Variants in SPTBN5 observed in about 807,000 individuals in gnomAD.
SPTBN5 encodes the protein spectrin beta, non-erythrocytic 5.
A neutral mutation model predicts 477.6 loss-of-function variants in SPTBN5; 513 were observed. The observed-to-expected ratio is 1.07, with a 90% CI of 1.00 to 1.16. SPTBN5 has a LOEUF of 1.16. Among genes scored for constraint, SPTBN5 ranks in the 50% most tolerant of loss-of-function variants. The pLI, the probability that SPTBN5 is intolerant of heterozygous loss-of-function variation, is 0.00. For synonymous variants in SPTBN5, 2,169 were observed against 2,011.7 expected (o/e 1.08, Z -2.09); for missense variants, 5,062 against 4,731.8 (o/e 1.07, Z -2.05).
In SPTBN5 at chr15:41,868,472, G is replaced by C; in HGVS notation, c.5983C>G (p.Arg1995Gly). 6.2e-7 allele frequency: 1 copy of C among 1,611,152 alleles called. No homozygotes were observed. Among genetic ancestry groups the C allele is most frequent in the Non-Finnish European group, 8.5e-7 (1 of 1,179,066 alleles). The change falls in exon 33 of 68, where the codon CGG becomes GGG. Residue 1995 changes from arginine (R) to glycine (G), a missense_variant. Transcript: ENST00000320955. The part of the protein sequence containing the change: ...HQWLRAELEA[R>G]EKLWQQATQL... ...GTGGCCTGCTGCCACAGCTTCTCCCGGGCCTCCAGCTCCGCCCGGAGCCAC... is the reference window on the plus strand; with the variant it reads ...GTGGCCTGCTGCCACAGCTTCTCCCCGGCCTCCAGCTCCGCCCGGAGCCAC...
Position 41,854,971 on chromosome 15 carries a change from CA to C in SPTBN5, c.9428del (p.Leu3143ArgfsTer23), listed in dbSNP as rs756889359. On this transcript the variant is annotated frameshift_variant, in exon 56 of 68. Transcript: ENST00000320955. LOFTEE classifies it high-confidence loss of function. ...TTCTGAAAGCATCAAACTTCTCTTCCAGCACCTGCAAAGGTATGAGGCCCAG... is the reference window on the plus strand; with the variant it reads ...TTCTGAAAGCATCAAACTTCTCTTCCGCACCTGCAAAGGTATGAGGCCCAG... ...YGQDLEGVKV[L>X]EEKFDAFRKE... is the part of the protein sequence containing the mutation. 3.2e-6 allele frequency: 5 copies of C among 1,540,924 alleles called. No homozygotes were observed. In the African/African-American group the frequency reaches 6.9e-5, roughly 21 times the overall value.
rs775518103 is a variant in SPTBN5 at position 41,878,508 on chromosome 15, G to C, written c.3304C>G (p.Gln1102Glu). 1.9e-6 allele frequency: 3 copies of C among 1,613,318 alleles called. No homozygotes were observed. The highest frequency in any genetic ancestry group is 1.7e-6 in the Non-Finnish European group (2 of 1,179,794). Residue 1102 changes from glutamine to glutamate, a missense_variant, in exon 17 of 68, where the codon CAG (glutamine) becomes GAG (glutamate). Gln to Glu is a conservative substitution (Grantham distance 29, BLOSUM62 2). Transcript: ENST00000320955. ...AQRARRQAET[Q>E]ARQSFLQESQ... ...TCTTGCAGGAAGCTCTGCCGGGCCT[G>C]AGTCTCAGCCTGGCGCCGGGCCCGT...
At chr15:41,851,209 C>T in intron 64 of SPTBN5, 59 bp from the exon 65 acceptor site, 3 of 1,579,632 alleles carry the variant, frequency 1.9e-6, no homozygotes, top group Non-Finnish European at 2.6e-6. Context: ...CCTGTGGGGT[C>T]CCTCTGTCCT....
chr15:41,853,352 A>G lies in SPTBN5; in HGVS notation c.10076T>C (p.Leu3359Pro), dbSNP rs565164416. 7 of 1,612,654 alleles carry G rather than the reference A, an allele frequency of 4.3e-6. No individual in the cohort carries two copies. Among genetic ancestry groups the G allele is most frequent in the Non-Finnish European group, 5.9e-6 (7 of 1,179,538 alleles). The change falls in exon 59 of 68, where the codon CTG becomes CCG. Residue 3359 changes from leucine to proline, a missense_variant. Transcript: ENST00000320955. ...AEQLLGQHEE[L>P]GQEIRECRLQ... Reference sequence around the variant, plus strand: ...GCGGCACTCCCTGATTTCTTGCCCCAGCTCTTCATGCTGCCCAAGGAGCTG... The same window carrying G: ...GCGGCACTCCCTGATTTCTTGCCCCGGCTCTTCATGCTGCCCAAGGAGCTG...
intron 26 of SPTBN5, 118 bp downstream of exon 26, chr15:41,873,372 CTG>C (rs1380115655): frequency 5.2e-6 from 4 of 763,636 alleles, no homozygotes; most frequent in Non-Finnish European, 6.5e-6. Context: ...ATGGGGCTGT[CTG>C]TGTCTCCAGG....
intron 17 of SPTBN5, 83 bp downstream of exon 17, chr15:41,878,259 G>A (rs1431094770): frequency 2.0e-5 from 30 of 1,493,462 alleles, no homozygotes; most frequent in East Asian, 7.0e-5. Flanking sequence ...ACTACTTCCC[G>A]CATGCTCTTT....
chr15:41,853,933 C>A, intron 57 of SPTBN5, 117 bp downstream of exon 57: 2 of 1,445,238 alleles, frequency 1.4e-6, no homozygotes, highest in South Asian at 2.8e-5. Context: ...GGGGAAGGAT[C>A]TGGGTTTCTG....
At position 41,870,556 on chromosome 15, in the gene SPTBN5, C is replaced by A. The variant is rs755472527; in HGVS notation, c.5452G>T (p.Ala1818Ser). ...VRQRQQDLQTAWSELWELTQA... is the reference protein window; with the variant it reads ...VRQRQQDLQTSWSELWELTQA... ...GTCAGCTCCCACAGCTCCGACCAGG[C>A]GGTCCTGCCCACGGCGTGTGGAAGA... is the stretch of plus-strand genomic sequence containing the variant. The change falls in exon 30 of 68, where the codon GCC becomes TCC. Residue 1818 changes from alanine (A) to serine (S), a missense_variant. By Grantham distance (99) the Ala-to-Ser change is moderately conservative. Transcript: ENST00000320955. 4 of 1,606,520 alleles carry A rather than the reference C, an allele frequency of 2.5e-6. No individual in the cohort carries two copies. The highest frequency in any genetic ancestry group is 1.7e-5 in the Admixed American group (1 of 59,924).
intron 62 of SPTBN5, 138 bp downstream of exon 62, chr15:41,852,044 C>G: frequency 2.7e-6 from 3 of 1,115,838 alleles, no homozygotes; most frequent in Non-Finnish European, 3.8e-6. Context: ...ATCTTTATTC[C>G]TAATGACCTT....
chr15:41,885,788 G>C lies in SPTBN5; in HGVS notation c.1467C>G (p.Ile489Met). 6.4e-7 allele frequency: 1 copy of C among 1,558,218 alleles called. No homozygotes were observed. The highest frequency in any genetic ancestry group is 2.4e-5 in the East Asian group (1 of 41,444). ...ACTGCTCCTGCCGGAGGATGTCTGC[G>C]ATCTCAGCCAGGGCCTGGAAGCGCC... ...QEGRFQALAE[I>M]ADILRQEQYH... The change falls in exon 7 of 68, where the codon ATC (isoleucine) becomes ATG (methionine). Residue 489 changes from isoleucine (I) to methionine (M), a missense_variant. Transcript: ENST00000320955.
At chr15:41,887,113 G>T (rs535869259) in intron 6 of SPTBN5, 100 bp downstream of exon 6, 3 of 1,122,428 alleles carry the variant, frequency 2.7e-6, no homozygotes, top group Non-Finnish European at 3.9e-6. Flanking sequence ...TGGGTGACTT[G>T]GCCAAGGCCA....
intron 3 of SPTBN5, 123 bp downstream of exon 3, chr15:41,892,771 G>A: frequency 1.7e-6 from 2 of 1,150,132 alleles, no homozygotes; most frequent in East Asian, 2.5e-5. Flanking sequence ...CACTCCTCCT[G>A]TACTCAGGCC....
At chr15:41,878,021 CA>C (rs2066803868) in intron 17 of SPTBN5, among the ~76,000 whole-genome samples, 1 of 152,154 alleles carries the variant, frequency 6.6e-6, no homozygotes, top group East Asian at 1.9e-4. Flanking sequence ...ACCAGGACGG[CA>C]GGGGGGGCTA....
In SPTBN5 at chr15:41,868,439, C is replaced by T. The variant is rs547212592; in HGVS notation, c.6016G>A (p.Gly2006Arg). ...EKLWQQATQL[G>R]QQALLAAGTP... ...CCTGCAGCAAGAAGTGCCTGCTGCC[C>T]CAGCTGGGTGGCCTGCTGCCACAGC... is the stretch of plus-strand genomic sequence containing the variant. The change falls in exon 33 of 68, where the codon GGG (glycine) becomes AGG (arginine). Residue 2006 changes from glycine to arginine, a missense_variant. Transcript: ENST00000320955. 2.5e-6 allele frequency: 4 copies of T among 1,609,088 alleles called. No individual in the cohort carries two copies. Among genetic ancestry groups the T allele is most frequent in the South Asian group, 1.1e-5 (1 of 90,918 alleles).
chr15:41,852,171 G>A lies in SPTBN5; in HGVS notation c.10584+11C>T, dbSNP rs779706401. On this transcript the variant is annotated intron_variant, in intron 62 of 67. Transcript: ENST00000320955. ...CGGCGGGGGTGCCTGCAGCCCCATAGGGACACCTGCCTGGGGGTCCCTCGT... is the reference window on the plus strand; with the variant it reads ...CGGCGGGGGTGCCTGCAGCCCCATAAGGACACCTGCCTGGGGGTCCCTCGT... 3 of 1,580,260 alleles carry A rather than the reference G, an allele frequency of 1.9e-6. No homozygotes were observed. The highest frequency in any genetic ancestry group is 2.3e-5 in the South Asian group (2 of 87,862).
intron 46 of SPTBN5, 87 bp from the exon 47 acceptor site, chr15:41,860,845 C>T: frequency 7.7e-7 from 1 of 1,294,760 alleles, no homozygotes; most frequent in Non-Finnish European, 1.0e-6. Context: ...ACCATCCTAC[C>T]AAATGCTCAT....
At chr15:41,880,959 G>T in intron 13 of SPTBN5, 75 bp downstream of exon 13, 3 of 1,323,910 alleles carry the variant, frequency 2.3e-6, no homozygotes. Context: ...TCACTGCCTT[G>T]TCCCCTGGGA....
chr15:41,852,611 C>T (rs553686975), intron 61 of SPTBN5, 23 bp downstream of exon 61: 7 of 1,609,198 alleles, frequency 4.3e-6, no homozygotes, highest in South Asian at 3.3e-5. Context: ...CAGCCCTCAG[C>T]CCCTAGCCGA....
rs762992520 is a variant in SPTBN5 at position 41,882,475 on chromosome 15, G to C, written c.2047-6C>G. 61 of 1,556,642 alleles carry C rather than the reference G, an allele frequency of 3.9e-5. No homozygotes were observed. Among genetic ancestry groups the C allele is most frequent in the African/African-American group, 3.5e-4 (26 of 73,862 alleles). On this transcript the variant is annotated splice_polypyrimidine_tract_variant and splice_region_variant and intron_variant, in intron 10 of 67. Coordinates refer to ENST00000320955, the MANE Select transcript of SPTBN5 (RefSeq NM_016642.4). ...TGGACCTCAGCTTCCAGGGCCTAGC[G>C]GGGGGCAGAGCAGGGGGCTCAGTGA...
Sources: allele counts gnomAD v4.1 joint callset (sites outside exome capture counted in the v4.1 genomes callset), GRCh38; gene constraint gnomAD v4.1.1; transcripts MANE v1.5; gene names NCBI Gene and HGNC (gene_info 2026-07-23, HGNC 2026-07-21).